GPR158: variants seen among roughly 807,000 people sequenced by gnomAD.
GPR158 encodes G protein-coupled receptor 158.
In GPR158, 30 loss-of-function variants were observed where a neutral mutation model predicts 78.2. The observed-to-expected ratio is 0.38, with a 90% confidence interval of 0.29 to 0.52. The LOEUF is 0.52. GPR158 is among the 20% of genes least tolerant of loss of function. GPR158 has a pLI of 0.83. For synonymous variants in GPR158, 581 were observed against 591.1 expected (o/e 0.98, Z 0.25); for missense variants, 1,463 against 1,523.5 (o/e 0.96, Z 0.66).
chr10:25,497,333 T>C (rs1835895352), intron 5 of GPR158, among the ~76,000 whole-genome samples: 2 of 152,214 alleles, frequency 1.3e-5, no homozygotes, highest in South Asian at 2.1e-4. Context: ...ATTTAAAGGC[T>C]TAACTTTGCT....
At chr10:25,362,221 C>A (rs1326802499) in intron 2 of GPR158, among the ~76,000 whole-genome samples, 2 of 151,920 alleles carry the variant, frequency 1.3e-5, no homozygotes, top group Non-Finnish European at 2.9e-5. Context: ...GGTGTCCTTC[C>A]TCCATGTTGT....
At chr10:25,526,365 C>T (rs1836347825) in intron 5 of GPR158, among the ~76,000 whole-genome samples, 1 of 152,188 alleles carries the variant, frequency 6.6e-6, no homozygotes, top group Middle Eastern at 3.4e-3. Flanking sequence ...TGTGTGAAGA[C>T]TAGCACTTAA....
rs779444972 is a variant in GPR158 at position 25,412,455 on chromosome 10, C to T, written c.1317C>T (p.Tyr439=). ...LLDFVSMLVV[Y]HFRKAKSIRA... Reference sequence around the variant, plus strand: ...ACTTCGTTAGCATGCTGGTGGTCTACCACTTTCGCAAAGCAAAGGTAAACC... The same window carrying T: ...ACTTCGTTAGCATGCTGGTGGTCTATCACTTTCGCAAAGCAAAGGTAAACC... Residue 439 remains tyrosine, a synonymous_variant, in exon 4 of 11, where the codon TAC becomes TAT. Coordinates refer to ENST00000376351, the MANE Select transcript of GPR158 (RefSeq NM_020752.3). The T allele has an allele frequency of 1.2e-6, 2 of 1,613,372 alleles. No homozygotes were observed. The highest frequency in any genetic ancestry group is 3.3e-5 in the Admixed American group (2 of 60,024).
At chr10:25,238,199 C>G (rs1165313457) in intron 2 of GPR158, among the ~76,000 whole-genome samples, 1 of 152,188 alleles carries the variant, frequency 6.6e-6, no homozygotes, top group African/African-American at 2.4e-5. Flanking sequence ...CACAGGCAGG[C>G]TTTCCCTTCC....
Position 25,598,788 on chromosome 10 carries a change from A to C in GPR158, c.3162A>C (p.Ala1054=). ...LKEKSHHKPK[A]AEVCQQSNQK... The stretch of plus-strand genomic sequence containing the variant: ...AGAAATCTCACCACAAGCCTAAGGC[A>C]GCTGAGGTTTGTCAGCAATCCAATC... The change falls in exon 11 of 11, where the codon GCA becomes GCC. Residue 1054 remains alanine (A), a synonymous_variant. Coordinates refer to ENST00000376351, the MANE Select transcript of GPR158 (RefSeq NM_020752.3). The C allele has an allele frequency of 6.2e-7, 1 of 1,614,158 alleles. No individual in the cohort carries two copies. Among genetic ancestry groups the C allele is most frequent in the Non-Finnish European group, 8.5e-7 (1 of 1,180,026 alleles).
At chr10:25,542,597 T>C (rs1219398751) in intron 5 of GPR158, among the ~76,000 whole-genome samples, 1 of 151,720 alleles carries the variant, frequency 6.6e-6, no homozygotes, top group Admixed American at 6.6e-5. Flanking sequence ...TCAAGGAGGG[T>C]GGATCACCTG....
chr10:25,390,203 T>G (rs1025434900), intron 2 of GPR158, among the ~76,000 whole-genome samples: 34 of 152,260 alleles, frequency 2.2e-4, no homozygotes, highest in Middle Eastern at 6.8e-3. Context: ...ACTAATACAG[T>G]AAATTGGTAC....
chr10:25,224,624 T>C (rs1279848587), intron 2 of GPR158, among the ~76,000 whole-genome samples: 2 of 152,108 alleles, frequency 1.3e-5, no homozygotes, highest in African/African-American at 4.8e-5. Flanking sequence ...AGTAATGCAG[T>C]GATTCAGAGG....
chr10:25,446,299 C>T (rs1255801664), intron 4 of GPR158, among the ~76,000 whole-genome samples: 1 of 152,126 alleles, frequency 6.6e-6, no homozygotes, highest in Non-Finnish European at 1.5e-5. Context: ...TTACAGCTCT[C>T]TGTGAGTCAG....
intron 1 of GPR158, among the ~76,000 whole-genome samples, chr10:25,214,238 C>T (rs1353255065): frequency 1.3e-5 from 2 of 151,686 alleles, no homozygotes; most frequent in Non-Finnish European, 2.9e-5. Flanking sequence ...TCGTGATCCA[C>T]CTGCTTCGGC....
chr10:25,539,631 A>G (rs1836548278), intron 5 of GPR158, among the ~76,000 whole-genome samples: 2 of 150,574 alleles, frequency 1.3e-5, no homozygotes, highest in Admixed American at 1.3e-4. Context: ...AATCTTGTAT[A>G]TTTTATAATT....
intron 4 of GPR158, among the ~76,000 whole-genome samples, chr10:25,444,234 G>T (rs1310392776): frequency 6.6e-6 from 1 of 151,610 alleles, no homozygotes. Context: ...GAATAATGGG[G>T]GGTGTGTGTG....
chr10:25,194,125 G>T (rs762764957), intron 1 of GPR158, among the ~76,000 whole-genome samples: 2 of 152,188 alleles, frequency 1.3e-5, no homozygotes, highest in Non-Finnish European at 2.9e-5. Flanking sequence ...GGCAAGTCTG[G>T]TTATCTGGCA....
At chr10:25,405,183 G>T (rs928559896) in intron 3 of GPR158, among the ~76,000 whole-genome samples, 2 of 151,832 alleles carry the variant, frequency 1.3e-5, no homozygotes, top group African/African-American at 4.8e-5. Flanking sequence ...TTAGTAAAAA[G>T]ATATATATAT....
intron 1 of GPR158, among the ~76,000 whole-genome samples, chr10:25,214,157 G>A (rs1169579884): frequency 2.6e-5 from 4 of 151,972 alleles, no homozygotes; most frequent in African/African-American, 4.8e-5. Context: ...ACCACGCCCC[G>A]CTAATTTTTT....
intron 2 of GPR158, among the ~76,000 whole-genome samples, chr10:25,372,334 T>A (rs565741502): frequency 6.6e-6 from 1 of 151,850 alleles, no homozygotes; most frequent in Non-Finnish European, 1.5e-5. Context: ...GAAATACCAT[T>A]TGACCCAGCC....
intron 3 of GPR158, among the ~76,000 whole-genome samples, chr10:25,400,418 C>A (rs1834427940): frequency 6.6e-6 from 1 of 152,042 alleles, no homozygotes; most frequent in Admixed American, 6.6e-5. Flanking sequence ...ATTTAAAAAT[C>A]TTTATTTAGA....
chr10:25,374,297 T>C (rs966221126), intron 2 of GPR158, among the ~76,000 whole-genome samples: 2 of 151,558 alleles, frequency 1.3e-5, no homozygotes, highest in Non-Finnish European at 3.0e-5. Flanking sequence ...GCAGAAGATA[T>C]AGAGGGAGGT....
rs776105443 is a variant in GPR158 at position 25,433,690 on chromosome 10, C to CTTTTTTTTT, written c.1335+21220_1335+21221insTTTTTTTTT. Among the ~76,000 whole-genome samples, 11 of 93,258 alleles carry CTTTTTTTTT rather than the reference C, an allele frequency of 1.2e-4. 1 individual carries two copies. The highest frequency in any genetic ancestry group is 2.1e-4 in the Non-Finnish European group (9 of 43,310). 61.2% of individuals were successfully genotyped at this position (93,258 alleles called of 152,430 possible). ...GGCATTTTCCTTTCTTTCTTTCTTT[C>CTTTTTTTTT]TTTCTTTTTTTTTTTTTTTTTGGTA... On this transcript the variant is annotated intron_variant, in intron 4 of 10. Coordinates refer to ENST00000376351, the MANE Select transcript of GPR158 (RefSeq NM_020752.3).
Sources: allele counts gnomAD v4.1 joint callset (sites outside exome capture counted in the v4.1 genomes callset), GRCh38; gene constraint gnomAD v4.1.1; transcripts MANE v1.5; gene names NCBI Gene and HGNC (gene_info 2026-07-23, HGNC 2026-07-21).